Variants in LPP observed in about 807,000 individuals in gnomAD.
LPP encodes LIM domain containing preferred translocation partner in lipoma.
A neutral mutation model predicts 60.4 loss-of-function variants in LPP; 38 were observed. The ratio of observed to expected loss-of-function variants is 0.63; its 90% CI spans 0.49 to 0.83. The LOEUF is 0.83. Ranked by LOEUF, LPP falls within the 40% of genes least tolerant of loss-of-function variation. The pLI, the probability that LPP is intolerant of heterozygous loss-of-function variation, is 0.00. For missense variants in LPP, 902 were observed against 783.6 expected (o/e 1.15, Z -1.80); for synonymous variants, 328 against 290.8 (o/e 1.13, Z -1.30).
intron 4 of LPP, among the ~76,000 whole-genome samples, chr3:188,410,861 T>C (rs902680192): frequency 6.6e-6 from 1 of 152,144 alleles, no homozygotes; most frequent in African/African-American, 2.4e-5. Context: ...GTGTACACTG[T>C]AGTCTTTTAT....
intron 4 of LPP, among the ~76,000 whole-genome samples, chr3:188,459,188 A>G (rs1450785049): frequency 1.7e-4 from 26 of 152,166 alleles, no homozygotes; most frequent in Admixed American, 1.6e-3. Flanking sequence ...ACTTCATTAC[A>G]GAGACTTCCG....
chr3:188,880,628 C>T lies in LPP; in HGVS notation c.*6149C>T, dbSNP rs71633241. The T allele has an allele frequency of 0.041, 7,752 of 188,294 alleles. 218 individuals are homozygous for T. The highest frequency in any genetic ancestry group is 0.063 in the Non-Finnish European group (5,648 of 89,348). 11.7% of individuals were successfully genotyped at this position (188,294 alleles called of 1,614,324 possible). A position where few individuals can be genotyped will look rare whatever the true frequency, so the allele number is the denominator to read the frequency against. On this transcript the variant is annotated 3_prime_UTR_variant, in exon 12 of 12. Coordinates refer to ENST00000617246, the MANE Select transcript of LPP (RefSeq NM_001375462.1). ...TCCTAGATACCCATCCACTTAAGGG[C>T]CAGAGAAATCCTTATTCATTTAACT...
intron 7 of LPP, among the ~76,000 whole-genome samples, chr3:188,682,883 A>G (rs1174652842): frequency 6.6e-6 from 1 of 152,178 alleles, no homozygotes; most frequent in Non-Finnish European, 1.5e-5. Flanking sequence ...GAAACTAGGG[A>G]TGTGTATATC....
chr3:188,834,032 C>A (rs980895945), intron 9 of LPP, among the ~76,000 whole-genome samples: 2 of 152,094 alleles, frequency 1.3e-5, no homozygotes, highest in African/African-American at 4.8e-5. Context: ...TTATTAAAAC[C>A]AAAATCTTCC....
chr3:188,241,545 C>G (rs2149470673), intron 2 of LPP, among the ~76,000 whole-genome samples: 1 of 152,270 alleles, frequency 6.6e-6, no homozygotes, highest in East Asian at 1.9e-4. Flanking sequence ...TTGTTTCCTG[C>G]TTGTATCTGT....
chr3:188,753,924 C>T (rs549736572), intron 8 of LPP, among the ~76,000 whole-genome samples: 3 of 152,230 alleles, frequency 2.0e-5, no homozygotes, highest in South Asian at 2.1e-4. Flanking sequence ...AGTGACAGAA[C>T]TACATGTGTC....
At chr3:188,260,108 C>T (rs897405466) in intron 2 of LPP, among the ~76,000 whole-genome samples, 5 of 152,116 alleles carry the variant, frequency 3.3e-5, no homozygotes, top group East Asian at 1.9e-4. Flanking sequence ...GGCACGATCT[C>T]GGCTGACTGC....
rs1333486032 is a variant in LPP at position 188,759,179 on chromosome 3, CTA to C, written c.1241-932_1241-931del. 6 of 152,204 alleles carry C rather than the reference CTA, an allele frequency of 3.9e-5. 1 individual carries two copies. Among genetic ancestry groups the C allele is most frequent in the Admixed American group, 3.9e-4 (6 of 15,278 alleles). 9.4% of individuals were successfully genotyped at this position (152,204 alleles called of 1,614,324 possible). A position where few individuals can be genotyped will look rare whatever the true frequency, so the allele number is the denominator to read the frequency against. On this transcript the variant is annotated intron_variant, in intron 8 of 11. Coordinates refer to ENST00000617246, the MANE Select transcript of LPP (RefSeq NM_001375462.1). ...AGCATAATGCCTCTCACTGACATAA[CTA>C]TTTGTCTGAATTTATATTTTATTGT...
At chr3:188,613,244 ATATATCTATATCTATACCTATATC>A (rs1371792147) in intron 7 of LPP, among the ~76,000 whole-genome samples, 9 of 89,138 alleles carry the variant, frequency 1.0e-4, no homozygotes, top group African/African-American at 2.7e-4. Flanking sequence ...TGTGCATTTT[ATATATCTATATCTATACCTATATC>A]TATATCTATA....
intron 8 of LPP, among the ~76,000 whole-genome samples, chr3:188,745,006 G>A (rs1273474943): frequency 6.6e-6 from 1 of 151,872 alleles, no homozygotes; most frequent in Non-Finnish European, 1.5e-5. Context: ...TTTTTAGGGA[G>A]AACAGGGTAA....
chr3:188,273,589 CTTTT>C (rs11380757), intron 2 of LPP, among the ~76,000 whole-genome samples: 1 of 80,422 alleles, frequency 1.2e-5, no homozygotes, highest in Non-Finnish European at 2.2e-5. Context: ...TATTTTATAT[CTTTT>C]TTTTTTTTTT....
chr3:188,373,979 A>G (rs1373143986), intron 3 of LPP, among the ~76,000 whole-genome samples: 1 of 151,998 alleles, frequency 6.6e-6, no homozygotes, highest in South Asian at 2.1e-4. Flanking sequence ...TTTCCCCATT[A>G]TTTGTTTTTG....
intron 9 of LPP, among the ~76,000 whole-genome samples, chr3:188,785,625 G>C (rs1434089551): frequency 6.7e-6 from 1 of 148,474 alleles, no homozygotes; most frequent in Non-Finnish European, 1.5e-5. Context: ...TGGGCATTTG[G>C]GTTGGTTCCA....
At chr3:188,486,289 A>AT (rs1806492881) in intron 5 of LPP, among the ~76,000 whole-genome samples, 1 of 152,332 alleles carries the variant, frequency 6.6e-6, no homozygotes, top group East Asian at 1.9e-4. Flanking sequence ...CGCTCAACAA[A>AT]TATTCTGTAT....
In LPP at chr3:188,217,012, T is replaced by G. The variant is rs1385544428; in HGVS notation, c.-189-8393T>G. ...TGCACTGTTCTGGGCATTATCCCAG[T>G]ACTCGATTTAGAGCAAAGAGTAAGA... On this transcript the variant is annotated intron_variant, in intron 1 of 11. Transcript: ENST00000617246. This position sits in a 1 kb window ranked among gnomAD's most constrained non-coding sequence, Gnocchi z 4.0. 6.6e-6 allele frequency among the ~76,000 whole-genome samples: 1 copy of G among 152,244 alleles called. No individual in the cohort carries two copies. Among genetic ancestry groups the G allele is most frequent in the African/African-American group, 2.4e-5 (1 of 41,458 alleles).
At chr3:188,295,685 T>G (rs765608477) in intron 2 of LPP, among the ~76,000 whole-genome samples, 1 of 152,046 alleles carries the variant, frequency 6.6e-6, no homozygotes, top group Non-Finnish European at 1.5e-5. Flanking sequence ...ACAACAGGCA[T>G]GCACCACTGT....
chr3:188,791,423 TCA>T (rs1743706476), intron 9 of LPP, among the ~76,000 whole-genome samples: 1 of 148,248 alleles, frequency 6.7e-6, no homozygotes, highest in Non-Finnish European at 1.5e-5. Context: ...CTAAACTTCT[TCA>T]CATGTTTCTG....
intron 4 of LPP, among the ~76,000 whole-genome samples, chr3:188,425,455 G>A (rs142997486): frequency 0.015 from 2,284 of 152,208 alleles, 57 homozygotes; most frequent in African/African-American, 0.052. Context: ...GATGATGCTG[G>A]CCTCATAAAA....
rs375839759 is a variant in LPP, at chr3:188,240,799, G to C, written c.-67+15272G>C. On this transcript the variant is annotated intron_variant, in intron 2 of 11. Coordinates refer to ENST00000617246, the MANE Select transcript of LPP (RefSeq NM_001375462.1). Reference sequence around the variant, plus strand: ...CCAAATGCAGGGCTGCTCTGTCCTCGGCGACCTGAGCAGACACACGAGCAG... The same window carrying C: ...CCAAATGCAGGGCTGCTCTGTCCTCCGCGACCTGAGCAGACACACGAGCAG... 1.8e-4 allele frequency among the ~76,000 whole-genome samples: 28 copies of C among 152,160 alleles called. No individual in the cohort carries two copies. In the South Asian group the frequency reaches 5.8e-3, roughly 32 times the overall value.
Sources: allele counts gnomAD v4.1 joint callset (sites outside exome capture counted in the v4.1 genomes callset), GRCh38; gene constraint gnomAD v4.1.1; non-coding constraint Gnocchi (gnomAD v3.1); transcripts MANE v1.5; gene names NCBI Gene and HGNC (gene_info 2026-07-23, HGNC 2026-07-21).